The following PRKG1 variants were observed in gnomAD, a reference collection of about 807,000 sequenced individuals.
PRKG1 encodes the protein cGMP-dependent protein kinase 1.
PRKG1 carries 35 observed loss-of-function variants against 88.1 expected under a neutral mutation model. The ratio of observed to expected loss-of-function variants is 0.40; its 90% CI spans 0.30 to 0.53. PRKG1 has a LOEUF of 0.53. Among genes scored for constraint, PRKG1 ranks in the 20% least tolerant of loss-of-function variants. PRKG1 has a pLI of 0.59. For synonymous variants in PRKG1, 303 were observed against 292.5 expected (o/e 1.04, Z -0.37); for missense variants, 540 against 839.8 (o/e 0.64, Z 4.41).
intron 1 of PRKG1, among the ~76,000 whole-genome samples, chr10:50,997,477 A>G (rs942953372): frequency 1.3e-5 from 2 of 152,170 alleles, no homozygotes; most frequent in Non-Finnish European, 1.5e-5. Context: ...TTTCCTGACT[A>G]CGGTCCTGTT....
chr10:51,197,740 A>G (rs1446920612), intron 2 of PRKG1, among the ~76,000 whole-genome samples: 4 of 151,828 alleles, frequency 2.6e-5, no homozygotes, highest in African/African-American at 9.7e-5. Context: ...GTCAAATTAA[A>G]TAAGGTGTGT....
In PRKG1 at chr10:51,997,200, C is replaced by T. The variant is rs550068188; in HGVS notation, c.763-57284C>T. 5.3e-5 allele frequency among the ~76,000 whole-genome samples: 8 copies of T among 152,038 alleles called. No individual in the cohort carries two copies. The South Asian group carries it at 6.2e-4, about 12-fold the overall frequency. ...TAGATAAGAGAAATAAAGCTGGGCG[C>T]GGTGGCTCACATCTGTAATCCCAGC... is the stretch of plus-strand genomic sequence containing the variant. On this transcript the variant is annotated intron_variant, in intron 5 of 17. Coordinates refer to ENST00000373980, the MANE Select transcript of PRKG1 (RefSeq NM_006258.4).
At chr10:51,942,372 G>T (rs1022661448) in intron 5 of PRKG1, among the ~76,000 whole-genome samples, 3 of 151,600 alleles carry the variant, frequency 2.0e-5, no homozygotes, top group African/African-American at 7.3e-5. Flanking sequence ...AGATGAGTAG[G>T]TTGTGAAAAT....
At chr10:51,445,084 G>GAGC (rs1839232118) in intron 2 of PRKG1, among the ~76,000 whole-genome samples, 1 of 151,868 alleles carries the variant, frequency 6.6e-6, no homozygotes, top group Admixed American at 6.6e-5. Flanking sequence ...TGTAACATTT[G>GAGC]AGCACTTGAT....
rs190621362 is a variant in PRKG1, at chr10:52,120,408, C to T, written c.936-13432C>T. 2.5e-4 allele frequency among the ~76,000 whole-genome samples: 38 copies of T among 152,206 alleles called. No homozygotes were observed. In the East Asian group the frequency reaches 6.8e-3, roughly 27 times the overall value. On this transcript the variant is annotated intron_variant, in intron 7 of 17. Transcript: ENST00000373980. ...AGCGTCAACTCAAAAGTCCGAATCCCAAAGTCTCATCTGAATCAGATATGG... is the reference window on the plus strand; with the variant it reads ...AGCGTCAACTCAAAAGTCCGAATCCTAAAGTCTCATCTGAATCAGATATGG...
chr10:51,969,842 T>C (rs1380592996), intron 5 of PRKG1, among the ~76,000 whole-genome samples: 2 of 152,018 alleles, frequency 1.3e-5, no homozygotes, highest in African/African-American at 4.8e-5. Context: ...CCATTTCTTT[T>C]TTCTTAAAAA....
intron 7 of PRKG1, among the ~76,000 whole-genome samples, chr10:52,071,839 C>T (rs1428457105): frequency 1.3e-5 from 2 of 152,074 alleles, no homozygotes; most frequent in Non-Finnish European, 1.5e-5. Flanking sequence ...AGCTTAATAT[C>T]CCTGTAACTT....
intron 9 of PRKG1, among the ~76,000 whole-genome samples, chr10:52,184,139 T>A (rs908512008): frequency 2.0e-5 from 3 of 152,216 alleles, no homozygotes; most frequent in Admixed American, 2.0e-4. Flanking sequence ...TCTATATTAT[T>A]TTATTTTGTT....
At chr10:51,239,279 G>A (rs562848135) in intron 2 of PRKG1, among the ~76,000 whole-genome samples, 23 of 152,102 alleles carry the variant, frequency 1.5e-4, no homozygotes, top group Admixed American at 5.2e-4. Flanking sequence ...AAACAATGCA[G>A]GAAAAGGCCA....
Position 52,256,486 on chromosome 10 carries a change from T to A in PRKG1, c.1173+4820T>A, listed in dbSNP as rs1323351021. 7.9e-5 allele frequency among the ~76,000 whole-genome samples: 11 copies of A among 139,524 alleles called. 4 individuals carry two copies. The highest frequency in any genetic ancestry group is 1.6e-4 in the Non-Finnish European group (10 of 61,692). The allele number at this position is 139,524 out of a possible 152,430, so 91.5% of individuals were successfully genotyped here. A position where few individuals can be genotyped will look rare whatever the true frequency, so the allele number is the denominator to read the frequency against. On this transcript the variant is annotated intron_variant, in intron 10 of 17. Coordinates refer to ENST00000373980, the MANE Select transcript of PRKG1 (RefSeq NM_006258.4). ...TTACTTAAAACTTTCTGAGCCTTGCTTTTCTTGTCTCTGAAATGATGATAA... is the reference window on the plus strand; with the variant it reads ...TTACTTAAAACTTTCTGAGCCTTGCATTTCTTGTCTCTGAAATGATGATAA...
chr10:51,875,596 C>T (rs749659300), intron 4 of PRKG1, among the ~76,000 whole-genome samples: 1 of 152,072 alleles, frequency 6.6e-6, no homozygotes, highest in Non-Finnish European at 1.5e-5. Context: ...ATAGAAAGCT[C>T]ACCTAATGAA....
At chr10:51,034,273 T>G (rs1313652949) in intron 1 of PRKG1, among the ~76,000 whole-genome samples, 3 of 152,096 alleles carry the variant, frequency 2.0e-5, no homozygotes, top group African/African-American at 7.2e-5. Flanking sequence ...AGTTGAAGAG[T>G]GCATCAGGAC....
intron 3 of PRKG1, among the ~76,000 whole-genome samples, chr10:51,751,341 G>A (rs938096646): frequency 1.4e-4 from 21 of 152,224 alleles, no homozygotes; most frequent in African/African-American, 4.3e-4. Context: ...AGGTTCAAGC[G>A]ATTATCATGC....
chr10:51,725,987 T>C (rs1444962192), intron 3 of PRKG1, among the ~76,000 whole-genome samples: 1 of 152,194 alleles, frequency 6.6e-6, no homozygotes, highest in Non-Finnish European at 1.5e-5. Context: ...TGTAAACATA[T>C]TCTCCTAGGT....
At chr10:51,068,346 T>A (rs1843780697) in intron 1 of PRKG1, 1 of 152,008 alleles carries the variant, frequency 6.6e-6, no homozygotes, top group Non-Finnish European at 1.5e-5. Flanking sequence ...CTCCCTTGAA[T>A]CACTGACATT....
rs1426640394 is a variant in PRKG1 at position 51,627,929 on chromosome 10, T to TTCCTTCC, written c.592+160093_592+160094insTCCTTCC. On this transcript the variant is annotated intron_variant, in intron 3 of 17. Transcript: ENST00000373980. ...CTTCCTTCCCTTCCTTCCCTTCCTT[T>TTCCTTCC]CTTCCTTCCTTCCTTTCTTTCTTTC... Among the ~76,000 whole-genome samples, 156 of 41,546 alleles carry TTCCTTCC rather than the reference T, an allele frequency of 3.8e-3. 2 individuals carry two copies. The highest frequency in any genetic ancestry group is 7.0e-3 in the Admixed American group (23 of 3,290). 27.3% of individuals were successfully genotyped at this position (41,546 alleles called of 152,430 possible).
chr10:51,189,487 C>T (rs1837578253), intron 2 of PRKG1, among the ~76,000 whole-genome samples: 1 of 151,830 alleles, frequency 6.6e-6, no homozygotes, highest in Admixed American at 6.6e-5. Context: ...GAGAATAAAA[C>T]TAGTTCCCTG....
At chr10:51,411,001 A>AC (rs1554805878) in intron 2 of PRKG1, among the ~76,000 whole-genome samples, 1 of 147,782 alleles carries the variant, frequency 6.8e-6, no homozygotes, top group Non-Finnish European at 1.5e-5. Context: ...TTACAGGTTA[A>AC]TTTTTTTTTT....
chr10:52,090,247 A>G (rs942340675), intron 7 of PRKG1, among the ~76,000 whole-genome samples: 4 of 150,482 alleles, frequency 2.7e-5, no homozygotes, highest in Admixed American at 6.7e-5. Context: ...GGAAGGAATG[A>G]TTTTTTTTTT....
Sources: gnomAD v4.1 joint callset for allele counts (sites outside exome capture counted in the v4.1 genomes callset) on GRCh38, gnomAD v4.1.1 for gene constraint, MANE v1.5 for transcripts, NCBI Gene and HGNC (gene_info 2026-07-23, HGNC 2026-07-21) for gene names.